The following OXR1 variants were observed in gnomAD, a reference collection of about 807,000 sequenced individuals.
OXR1 encodes oxidation resistance protein 1.
A neutral mutation model predicts 104.6 loss-of-function variants in OXR1; 41 were observed. The observed-to-expected ratio is 0.39, with a 90% CI of 0.31 to 0.51. OXR1 has a LOEUF of 0.51. Among genes scored for constraint, OXR1 ranks in the 20% least tolerant of loss-of-function variants. OXR1 has a pLI of 0.77. For synonymous variants in OXR1, 348 were observed against 348.4 expected (o/e 1.00, Z 0.01); for missense variants, 955 against 1,031.9 (o/e 0.93, Z 1.02).
In OXR1 at chr8:106,599,869, T is replaced by C. The variant is rs796699526; in HGVS notation, c.221-79341T>C. 2.6e-5 allele frequency among the ~76,000 whole-genome samples: 4 copies of C among 152,210 alleles called. No individual in the cohort carries two copies. The South Asian group carries it at 8.3e-4, about 32-fold the overall frequency. Reference sequence around the variant, plus strand: ...GGGGGTTGGGGAGATGGTTTCTGGATGAAACTGTTCCACCACAGATGATCA... The same window carrying C: ...GGGGGTTGGGGAGATGGTTTCTGGACGAAACTGTTCCACCACAGATGATCA... On this transcript the variant is annotated intron_variant, in intron 3 of 16. Coordinates refer to ENST00000517566, the MANE Select transcript of OXR1 (RefSeq NM_001198533.2).
At chr8:106,452,487 A>G (rs1302506063) in intron 2 of OXR1, among the ~76,000 whole-genome samples, 2 of 152,178 alleles carry the variant, frequency 1.3e-5, no homozygotes, top group Non-Finnish European at 2.9e-5. Flanking sequence ...TGTTATCTTT[A>G]CCAAAAATTA....
chr8:106,636,532 C>G (rs1198371398), intron 3 of OXR1, among the ~76,000 whole-genome samples: 1 of 152,132 alleles, frequency 6.6e-6, no homozygotes, highest in Non-Finnish European at 1.5e-5. Context: ...TGCAGATGAA[C>G]CACTAATGCC....
rs71307055 is a variant in OXR1, at chr8:106,353,365, A to AAATAAT, written c.-138-6089_-138-6084dup. Among the ~76,000 whole-genome samples the AAATAAT allele has an allele frequency of 3.6e-3, 529 of 147,454 alleles. 3 individuals carry two copies. Among genetic ancestry groups the AAATAAT allele is most frequent in the East Asian group, 7.4e-3 (37 of 4,990 alleles). On this transcript the variant is annotated intron_variant, in intron 1 of 16. Transcript: ENST00000517566. Reference sequence around the variant, plus strand: ...GGTGACGGAGTGAGACTCTGTCTCAAAATAATAATAATAATAATAATAATA... The same window carrying AAATAAT: ...GGTGACGGAGTGAGACTCTGTCTCAAAATAATAATAATAATAATAATAATAATAATA...
At chr8:106,521,752 T>C (rs1272883314) in intron 3 of OXR1, among the ~76,000 whole-genome samples, 1 of 152,154 alleles carries the variant, frequency 6.6e-6, no homozygotes, top group Non-Finnish European at 1.5e-5. Context: ...GACCTCAAGA[T>C]CTGCCCACCT....
At chr8:106,274,710 G>C (rs1811965906) in intron 1 of OXR1, among the ~76,000 whole-genome samples, 1 of 151,856 alleles carries the variant, frequency 6.6e-6, no homozygotes, top group Non-Finnish European at 1.5e-5. Flanking sequence ...GCAGTGGGGA[G>C]AGCCTTTGTT....
intron 2 of OXR1, among the ~76,000 whole-genome samples, chr8:106,483,425 G>A (rs1444473194): frequency 1.3e-5 from 2 of 151,750 alleles, no homozygotes; most frequent in Non-Finnish European, 2.9e-5. Context: ...AACTGGGCTC[G>A]GTGGCATGTA....
intron 11 of OXR1, among the ~76,000 whole-genome samples, chr8:106,730,228 A>C (rs1217192337): frequency 6.6e-6 from 1 of 152,152 alleles, no homozygotes; most frequent in Non-Finnish European, 1.5e-5. Context: ...GTATGAACTA[A>C]TATTGATATA....
chr8:106,612,592 A>T (rs1182201088), intron 3 of OXR1, among the ~76,000 whole-genome samples: 1 of 152,098 alleles, frequency 6.6e-6, no homozygotes, highest in Non-Finnish European at 1.5e-5. Context: ...TAAGTCAGAT[A>T]GTTAAGAAAA....
chr8:106,515,302 TA>T (rs1812788256), intron 2 of OXR1, among the ~76,000 whole-genome samples: 1 of 152,148 alleles, frequency 6.6e-6, no homozygotes, highest in South Asian at 2.1e-4. Context: ...CTCACATATT[TA>T]TTTTTTGTGG....
intron 3 of OXR1, among the ~76,000 whole-genome samples, chr8:106,674,921 CTT>C (rs1408177861): frequency 6.6e-6 from 1 of 152,126 alleles, no homozygotes; most frequent in Non-Finnish European, 1.5e-5. Flanking sequence ...AATTAAACCT[CTT>C]TCCTTTCTAA....
chr8:106,445,749 T>G (rs941375787), intron 2 of OXR1, among the ~76,000 whole-genome samples: 1 of 152,214 alleles, frequency 6.6e-6, no homozygotes, highest in African/African-American at 2.4e-5. Context: ...CTTAGCACTA[T>G]TCGTACTGCG....
At chr8:106,703,517 T>C (rs80143801) in intron 8 of OXR1, among the ~76,000 whole-genome samples, 1 of 109,606 alleles carries the variant, frequency 9.1e-6, no homozygotes, top group African/African-American at 2.8e-5. Flanking sequence ...GCAAGACAGC[T>C]TTTTTTTTTT....
intron 3 of OXR1, among the ~76,000 whole-genome samples, chr8:106,678,782 T>C (rs1827850262): frequency 6.6e-6 from 1 of 151,916 alleles, no homozygotes; most frequent in Non-Finnish European, 1.5e-5. Context: ...TTATGACTTG[T>C]AGAAAAATTT....
intron 1 of OXR1, among the ~76,000 whole-genome samples, chr8:106,298,430 G>A (rs766996960): frequency 1.3e-5 from 2 of 152,066 alleles, no homozygotes; most frequent in East Asian, 1.9e-4. Context: ...GGAAAAACCC[G>A]TCCCCATGAT....
At chr8:106,405,934 C>T (rs1024465225) in intron 2 of OXR1, among the ~76,000 whole-genome samples, 2 of 152,142 alleles carry the variant, frequency 1.3e-5, no homozygotes, top group Admixed American at 6.6e-5. Flanking sequence ...CAAAGGAGTT[C>T]TTTAACAGAA....
intron 1 of OXR1, among the ~76,000 whole-genome samples, chr8:106,300,520 G>A (rs1490381593): frequency 6.6e-6 from 1 of 151,444 alleles, no homozygotes; most frequent in African/African-American, 2.4e-5. Flanking sequence ...AGATCCTACA[G>A]TTAACGTGTT....
At chr8:106,601,293 T>C (rs1586878010) in intron 3 of OXR1, among the ~76,000 whole-genome samples, 1 of 151,396 alleles carries the variant, frequency 6.6e-6, no homozygotes. Flanking sequence ...AAATGGCTCC[T>C]GTCTTTATCT....
intron 6 of OXR1, among the ~76,000 whole-genome samples, chr8:106,685,348 A>C (rs1317039636): frequency 6.6e-6 from 1 of 152,220 alleles, no homozygotes; most frequent in East Asian, 1.9e-4. Context: ...ACCCTAAAGC[A>C]GAATGATGAA....
At chr8:106,329,860 T>TG (rs1418951229) in intron 1 of OXR1, among the ~76,000 whole-genome samples, 1 of 151,136 alleles carries the variant, frequency 6.6e-6, no homozygotes, top group Non-Finnish European at 1.5e-5. Context: ...TCACCTATAA[T>TG]GGGGAATCAA....
Sources: allele counts gnomAD v4.1 joint callset (sites outside exome capture counted in the v4.1 genomes callset), GRCh38; gene constraint gnomAD v4.1.1; transcripts MANE v1.5; gene names NCBI Gene and HGNC (gene_info 2026-07-23, HGNC 2026-07-21).